CEP112: variants seen among roughly 807,000 people sequenced by gnomAD.
CEP112 encodes centrosomal protein of 112 kDa.
In CEP112, 127 loss-of-function variants were observed where a neutral mutation model predicts 153.0. The ratio of observed to expected loss-of-function variants is 0.83; its 90% CI spans 0.72 to 0.96. The LOEUF (loss-of-function observed/expected upper bound fraction) is 0.96. Ranked by LOEUF, CEP112 falls within the 40% of genes least tolerant of loss-of-function variation. CEP112 has a pLI of 0.00. For missense variants in CEP112, 1,089 were observed against 1,101.2 expected, an observed-to-expected ratio of 0.99 and a Z score of 0.16; for synonymous variants, 358 against 374.4, an observed-to-expected ratio of 0.96 and a Z score of 0.51.
chr17:65,693,515 G>A (rs1050994969), intron 23 of CEP112, among the ~76,000 whole-genome samples: 1 of 152,172 alleles, frequency 6.6e-6, no homozygotes, highest in African/African-American at 2.4e-5. Flanking sequence ...CTGGAAAGAG[G>A]GTGATGGATA....
At chr17:65,750,925 C>A in intron 21 of CEP112, 5 of 507,062 alleles carry the variant, frequency 9.9e-6, no homozygotes, top group South Asian at 6.1e-5. Context: ...ATCTCTTCTG[C>A]CAATTATTAG....
At chr17:65,819,305 T>C (rs1003030663) in intron 21 of CEP112, among the ~76,000 whole-genome samples, 1 of 151,906 alleles carries the variant, frequency 6.6e-6, no homozygotes, top group African/African-American at 2.4e-5. Flanking sequence ...AAAAGCAACC[T>C]TGAGCTTCCA....
chr17:65,658,899 G>C (rs1210795624), intron 24 of CEP112, among the ~76,000 whole-genome samples: 1 of 150,552 alleles, frequency 6.6e-6, no homozygotes, highest in African/African-American at 2.4e-5. Context: ...GGGAAAGTAG[G>C]TGTTAGGTGC....
At chr17:65,850,522 A>G (rs1042638204) in intron 21 of CEP112, among the ~76,000 whole-genome samples, 1 of 152,024 alleles carries the variant, frequency 6.6e-6, no homozygotes, top group Non-Finnish European at 1.5e-5. Context: ...CCAGCTCTCT[A>G]TTACCTTTCC....
chr17:65,970,700 A>C (rs2062705700), intron 17 of CEP112, among the ~76,000 whole-genome samples: 1 of 127,270 alleles, frequency 7.9e-6, no homozygotes, highest in Admixed American at 8.9e-5. Flanking sequence ...TGCATATTAC[A>C]TGCATACACA....
At chr17:66,170,829 T>C (rs230563) in intron 4 of CEP112, among the ~76,000 whole-genome samples, 2 of 151,928 alleles carry the variant, frequency 1.3e-5, no homozygotes, top group Non-Finnish European at 2.9e-5. Context: ...AACAGATATA[T>C]AATAGCAATG....
At chr17:66,023,261 G>C (rs1482918026) in intron 16 of CEP112, among the ~76,000 whole-genome samples, 1 of 152,044 alleles carries the variant, frequency 6.6e-6, no homozygotes, top group Non-Finnish European at 1.5e-5. Flanking sequence ...ATAAGAAATA[G>C]TCATCAGATG....
chr17:65,722,447 C>T lies in CEP112; in HGVS notation c.2607+20621G>A, dbSNP rs530520838. On this transcript the variant is annotated intron_variant, in intron 23 of 26. Transcript: ENST00000535342. Reference sequence around the variant, plus strand: ...TATTTTTAGCAGAGACGGGGTTTCACCATGTTGGCCAGGTTGGTCTCGAAC... The same window carrying T: ...TATTTTTAGCAGAGACGGGGTTTCATCATGTTGGCCAGGTTGGTCTCGAAC... Among the ~76,000 whole-genome samples the T allele has an allele frequency of 5.3e-3, 813 of 152,262 alleles. 7 individuals carry two copies. The highest frequency in any genetic ancestry group is 0.019 in the African/African-American group (774 of 41,550).
rs148929955 is a variant in CEP112 at position 66,111,132 on chromosome 17, A to C, written c.643-14500T>G. On this transcript the variant is annotated intron_variant, in intron 6 of 26. Transcript: ENST00000535342. ...AGCTCAATATCACTGATCATTAGAG[A>C]AATGCAAATCAGAACCACAATGAGA... Among the ~76,000 whole-genome samples, 1,448 of 152,370 alleles carry C rather than the reference A, an allele frequency of 9.5e-3. 20 individuals are homozygous for C. Among genetic ancestry groups the C allele is most frequent in the African/African-American group, 0.032 (1,325 of 41,594 alleles).
chr17:65,674,713 G>A (rs1227048871), intron 24 of CEP112, among the ~76,000 whole-genome samples: 1 of 152,184 alleles, frequency 6.6e-6, no homozygotes, highest in African/African-American at 2.4e-5. Flanking sequence ...GCCACTACCT[G>A]TCTATCTAGA....
chr17:65,671,614 A>G (rs1199843174), intron 24 of CEP112, among the ~76,000 whole-genome samples: 2 of 152,178 alleles, frequency 1.3e-5, no homozygotes, highest in Admixed American at 6.5e-5. Context: ...ATGTGTGTGT[A>G]TGTATATATA....
intron 16 of CEP112, among the ~76,000 whole-genome samples, chr17:66,006,966 G>A (rs1389268650): frequency 7.9e-5 from 12 of 151,900 alleles, no homozygotes; most frequent in Non-Finnish European, 4.4e-5. Flanking sequence ...ACTGAATCAG[G>A]GCTAGCCAAA....
intron 18 of CEP112, among the ~76,000 whole-genome samples, chr17:65,957,947 T>C (rs1380867403): frequency 6.6e-6 from 1 of 152,210 alleles, no homozygotes; most frequent in Non-Finnish European, 1.5e-5. Context: ...GCTATTCATC[T>C]ACTTTTGATC....
rs114298798 is a variant in CEP112, at chr17:65,950,853, A to C, written c.1872+10610T>G. On this transcript the variant is annotated intron_variant, in intron 18 of 26. Transcript: ENST00000535342. ...AAAAGAATTAAATCTTCCAACATTA[A>C]TTTTATTAGCTGTGGAGTTTTCATA... 1.3e-3 allele frequency among the ~76,000 whole-genome samples: 194 copies of C among 152,166 alleles called. 2 individuals carry two copies. Among genetic ancestry groups the C allele is most frequent in the African/African-American group, 4.4e-3 (184 of 41,532 alleles).
At chr17:66,062,475 T>C (rs948069535) in intron 11 of CEP112, among the ~76,000 whole-genome samples, 8 of 152,128 alleles carry the variant, frequency 5.3e-5, no homozygotes, top group Admixed American at 3.3e-4. Flanking sequence ...TTTATCAGTA[T>C]ATAAAGTATC....
intron 24 of CEP112, among the ~76,000 whole-genome samples, chr17:65,658,140 C>G (rs2046153121): frequency 6.6e-6 from 1 of 152,246 alleles, no homozygotes; most frequent in African/African-American, 2.4e-5. Context: ...TATCTACTCA[C>G]TCCATAGAGA....
At chr17:65,679,822 T>C (rs909681061) in intron 24 of CEP112, among the ~76,000 whole-genome samples, 1 of 152,174 alleles carries the variant, frequency 6.6e-6, no homozygotes, top group African/African-American at 2.4e-5. Flanking sequence ...TCACTGGGCA[T>C]TGTGGGAGGC....
chr17:66,180,507 T>C (rs2072676921), intron 2 of CEP112, among the ~76,000 whole-genome samples: 1 of 152,174 alleles, frequency 6.6e-6, no homozygotes, highest in Non-Finnish European at 1.5e-5. Context: ...TAAAATTAAA[T>C]CTTGAATGTT....
chr17:65,970,842 G>A (rs1343514766), intron 17 of CEP112, among the ~76,000 whole-genome samples: 2 of 44,078 alleles, frequency 4.5e-5, no homozygotes, highest in African/African-American at 6.5e-5. Context: ...CACATTACAT[G>A]CATATGTCAT....
Sources: gnomAD v4.1 joint callset for allele counts (sites outside exome capture counted in the v4.1 genomes callset) on GRCh38, gnomAD v4.1.1 for gene constraint, MANE v1.5 for transcripts, NCBI Gene and HGNC (gene_info 2026-07-23, HGNC 2026-07-21) for gene names.